CCBE1: variants seen among roughly 807,000 people sequenced by gnomAD.
The protein encoded by CCBE1 is collagen and calcium-binding EGF domain-containing protein 1.
In CCBE1, 37 loss-of-function variants were observed where a neutral mutation model predicts 50.0. The observed-to-expected ratio is 0.74, with a 90% CI of 0.57 to 0.97. CCBE1 has a LOEUF of 0.97. Among genes scored for constraint, CCBE1 ranks in the 50% least tolerant of loss-of-function variants. The pLI is 0.00. For synonymous variants in CCBE1, 234 were observed against 203.7 expected, an observed-to-expected ratio of 1.15 and a Z score of -1.27; for missense variants, 538 against 523.8, an observed-to-expected ratio of 1.03 and a Z score of -0.26.
At chr18:59,631,383 G>C (rs2053846439) in intron 2 of CCBE1, among the ~76,000 whole-genome samples, 1 of 152,204 alleles carries the variant, frequency 6.6e-6, no homozygotes, top group South Asian at 2.1e-4. Context: ...TTTGTTGGCT[G>C]TGAACAATTC....
intron 2 of CCBE1, among the ~76,000 whole-genome samples, chr18:59,669,040 G>T (rs1469763728): frequency 6.6e-6 from 1 of 151,796 alleles, no homozygotes; most frequent in Non-Finnish European, 1.5e-5. Context: ...TACTATGTTG[G>T]CCAGGCTGGT....
intron 7 of CCBE1, among the ~76,000 whole-genome samples, chr18:59,441,502 A>C (rs900319787): frequency 2.6e-5 from 4 of 151,004 alleles, no homozygotes. Context: ...AAAAAAAATC[A>C]AAACAAAAAA....
chr18:59,658,339 AAAAAAAAAAAAAAAAATATATATAT>A (rs2054220181), intron 2 of CCBE1, among the ~76,000 whole-genome samples: 2 of 35,676 alleles, frequency 5.6e-5, no homozygotes, highest in African/African-American at 1.1e-4. Context: ...AAAAAAAAAA[AAAAAAAAAAAAAAAAATATATATAT>A]ATATATATAT....
chr18:59,696,144 T>C (rs2054800802), intron 2 of CCBE1, among the ~76,000 whole-genome samples: 1 of 152,160 alleles, frequency 6.6e-6, no homozygotes, highest in Non-Finnish European at 1.5e-5. Flanking sequence ...CTTTTTGTTT[T>C]CACTCAACAC....
intron 2 of CCBE1, among the ~76,000 whole-genome samples, chr18:59,521,244 A>T (rs1243478739): frequency 6.6e-6 from 1 of 152,230 alleles, no homozygotes; most frequent in African/African-American, 2.4e-5. Flanking sequence ...ACCCATAAAA[A>T]TCCCCCAACT....
intron 2 of CCBE1, among the ~76,000 whole-genome samples, chr18:59,613,358 A>G (rs1280249518): frequency 6.6e-6 from 1 of 152,198 alleles, no homozygotes; most frequent in Non-Finnish European, 1.5e-5. Flanking sequence ...AAAAGATTCA[A>G]GAGTTGTTTT....
intron 5 of CCBE1, chr18:59,463,908 G>C (rs1186332750): frequency 6.6e-6 from 1 of 152,212 alleles, no homozygotes; most frequent in Non-Finnish European, 1.5e-5. Context: ...CTGGCTCAGA[G>C]CATAGCTGAA....
intron 2 of CCBE1, among the ~76,000 whole-genome samples, chr18:59,685,305 AG>A (rs1357937771): frequency 1.3e-5 from 2 of 152,164 alleles, no homozygotes; most frequent in Non-Finnish European, 2.9e-5. Context: ...TTCTCCTATT[AG>A]TCCCTCCATC....
chr18:59,638,646 T>A (rs985223627), intron 2 of CCBE1, among the ~76,000 whole-genome samples: 21 of 152,228 alleles, frequency 1.4e-4, no homozygotes, highest in African/African-American at 4.8e-4. Flanking sequence ...AACTCACCTG[T>A]TGATATACTT....
intron 3 of CCBE1, among the ~76,000 whole-genome samples, chr18:59,470,742 CATT>C (rs1002696057): frequency 6.6e-6 from 1 of 152,182 alleles, no homozygotes; most frequent in African/African-American, 2.4e-5. Flanking sequence ...GCCAGCACCT[CATT>C]AATCCTTGCA....
chr18:59,618,548 C>T (rs753161796), intron 2 of CCBE1, among the ~76,000 whole-genome samples: 4 of 151,918 alleles, frequency 2.6e-5, no homozygotes, highest in East Asian at 1.9e-4. Context: ...GATTCTCCTG[C>T]TTCAGCCACC....
rs1910037911 is a variant in CCBE1 at position 59,433,905 on chromosome 18, T to G, written c.*2003A>C. 7.2e-6 allele frequency: 1 copy of G among 139,694 alleles called. No individual in the cohort carries two copies. Among genetic ancestry groups the G allele is most frequent in the African/African-American group, 2.7e-5 (1 of 36,398 alleles). 8.7% of individuals were successfully genotyped at this position (139,694 alleles called of 1,614,324 possible). A position where few individuals can be genotyped will look rare whatever the true frequency, so the allele number is the denominator to read the frequency against. The stretch of plus-strand genomic sequence containing the variant: ...CCAAGCCCGGCCTTTTTTTTTTTTT[T>G]TTTTTTTTTTTAATGAGACAGAGTC... On this transcript the variant is annotated 3_prime_UTR_variant, in exon 11 of 11. Transcript: ENST00000439986.
intron 2 of CCBE1, among the ~76,000 whole-genome samples, chr18:59,616,827 C>G (rs1319655853): frequency 2.0e-5 from 3 of 152,152 alleles, no homozygotes; most frequent in Non-Finnish European, 4.4e-5. Flanking sequence ...AAAGCCTGTT[C>G]GGACGGAAGC....
At chr18:59,498,867 C>A (rs1247723266) in intron 2 of CCBE1, among the ~76,000 whole-genome samples, 1 of 152,176 alleles carries the variant, frequency 6.6e-6, no homozygotes, top group Non-Finnish European at 1.5e-5. Context: ...TATTAACTGA[C>A]CCACCTCCCT....
chr18:59,554,114 T>C (rs775136554), intron 2 of CCBE1, among the ~76,000 whole-genome samples: 16 of 152,224 alleles, frequency 1.1e-4, no homozygotes, highest in Non-Finnish European at 1.9e-4. Flanking sequence ...GCCGTCCTTC[T>C]GTGTAGGGAG....
chr18:59,654,791 C>CAAA lies in CCBE1; in HGVS notation c.212+41835_212+41837dup, dbSNP rs34690890. Among the ~76,000 whole-genome samples, 17 of 94,308 alleles carry CAAA rather than the reference C, an allele frequency of 1.8e-4. No individual in the cohort carries two copies. In the East Asian group the frequency reaches 3.9e-3, roughly 22 times the overall value. The allele number at this position is 94,308 out of a possible 152,430, so 61.9% of individuals were successfully genotyped here. On this transcript the variant is annotated intron_variant, in intron 2 of 10. Transcript: ENST00000439986. ...TGGTGACAGAGTGAGACTCCGTCTC[C>CAAA]AAAAAAAAAAAAAAAAAGGCCAGGC...
intron 2 of CCBE1, among the ~76,000 whole-genome samples, chr18:59,551,322 A>AC (rs1915923185): frequency 6.6e-6 from 1 of 152,204 alleles, no homozygotes; most frequent in African/African-American, 2.4e-5. Context: ...AAAATGATAT[A>AC]CCTATTACCT....
intron 2 of CCBE1, among the ~76,000 whole-genome samples, chr18:59,536,997 A>C (rs1346900496): frequency 6.6e-6 from 1 of 151,924 alleles, no homozygotes; most frequent in African/African-American, 2.4e-5. Flanking sequence ...TCTCAAAAAA[A>C]AAAAAAAAAA....
intron 2 of CCBE1, among the ~76,000 whole-genome samples, chr18:59,585,339 C>A (rs1431660588): frequency 6.6e-6 from 1 of 151,016 alleles, no homozygotes; most frequent in Non-Finnish European, 1.5e-5. Flanking sequence ...GGCCATTTTA[C>A]ATTTTTGGCC....
Sources: allele counts gnomAD v4.1 joint callset (sites outside exome capture counted in the v4.1 genomes callset), GRCh38; gene constraint gnomAD v4.1.1; transcripts MANE v1.5; gene names NCBI Gene and HGNC (gene_info 2026-07-23, HGNC 2026-07-21).